Variants in PID1 observed in about 807,000 individuals in gnomAD.
PID1 encodes PTB-containing, cubilin and LRP1-interacting protein.
A neutral mutation model predicts 19.1 loss-of-function variants in PID1; 10 were observed. The ratio of observed to expected loss-of-function variants is 0.52; its 90% confidence interval spans 0.32 to 0.89. PID1 has a LOEUF of 0.89. Among genes scored for constraint, PID1 ranks in the 40% least tolerant of loss-of-function variants. PID1 has a pLI of 0.03. For missense variants in PID1, 248 were observed against 285.3 expected (o/e 0.87, Z 0.94); for synonymous variants, 130 against 116.0 (o/e 1.12, Z -0.78).
At chr2:229,256,317 T>C (rs1316692326) in intron 1 of PID1, among the ~76,000 whole-genome samples, 2 of 152,204 alleles carry the variant, frequency 1.3e-5, no homozygotes, top group African/African-American at 2.4e-5. Context: ...TAAATTCCTC[T>C]AATTTTCGAA....
intron 1 of PID1, among the ~76,000 whole-genome samples, chr2:229,233,259 G>T (rs1412036672): frequency 1.3e-5 from 2 of 152,018 alleles, no homozygotes; most frequent in African/African-American, 2.4e-5. Context: ...AGCTGGAGAG[G>T]TTTTAGATGT....
At chr2:229,215,561 G>C (rs1463312244) in intron 1 of PID1, among the ~76,000 whole-genome samples, 1 of 152,174 alleles carries the variant, frequency 6.6e-6, no homozygotes, top group African/African-American at 2.4e-5. Flanking sequence ...GCAGAGCAGT[G>C]ACCAAGCAGG....
At chr2:229,214,786 C>T (rs1301807440) in intron 1 of PID1, among the ~76,000 whole-genome samples, 5 of 151,966 alleles carry the variant, frequency 3.3e-5, no homozygotes, top group Admixed American at 1.3e-4. Context: ...TTTTGTTTTA[C>T]ATCTCACTGC....
chr2:229,123,921 G>A (rs1398540144), intron 2 of PID1, among the ~76,000 whole-genome samples: 1 of 151,980 alleles, frequency 6.6e-6, no homozygotes, highest in Non-Finnish European at 1.5e-5. Context: ...TTCCTTATTA[G>A]CTACATTATT....
intron 1 of PID1, among the ~76,000 whole-genome samples, chr2:229,181,701 T>C (rs190567205): frequency 1.3e-5 from 2 of 152,340 alleles, no homozygotes; most frequent in East Asian, 1.9e-4. Flanking sequence ...TTAACTGCAA[T>C]AGAAAAGCTA....
chr2:229,065,392 C>G (rs139353640), intron 2 of PID1, among the ~76,000 whole-genome samples: 1 of 152,178 alleles, frequency 6.6e-6, no homozygotes, highest in African/African-American at 2.4e-5. Context: ...CCAATTAGAT[C>G]CTGCAGAAAG....
chr2:229,231,491 C>T (rs1053063745), intron 1 of PID1, among the ~76,000 whole-genome samples: 8 of 151,972 alleles, frequency 5.3e-5, no homozygotes, highest in African/African-American at 1.9e-4. Flanking sequence ...CAAGCAGTAA[C>T]AGGCATTTAA....
At chr2:229,128,755 G>T (rs1689642453) in intron 2 of PID1, among the ~76,000 whole-genome samples, 1 of 151,888 alleles carries the variant, frequency 6.6e-6, no homozygotes, top group Admixed American at 6.6e-5. Flanking sequence ...CTGTAAAATT[G>T]GTATTCTTAT....
chr2:229,172,551 G>T (rs1178846013), intron 1 of PID1, among the ~76,000 whole-genome samples: 1 of 152,002 alleles, frequency 6.6e-6, no homozygotes, highest in Non-Finnish European at 1.5e-5. Context: ...TTTCCTCAGT[G>T]CACGTCTATC....
intron 2 of PID1, among the ~76,000 whole-genome samples, chr2:229,066,014 A>T (rs545391749): frequency 6.6e-6 from 1 of 152,370 alleles, no homozygotes; most frequent in African/African-American, 2.4e-5. Context: ...TGATTCACCA[A>T]CAACCTTTCT....
chr2:229,058,996 T>C (rs1179425476), intron 2 of PID1, among the ~76,000 whole-genome samples: 1 of 152,188 alleles, frequency 6.6e-6, no homozygotes, highest in Non-Finnish European at 1.5e-5. Flanking sequence ...TCAGTGTCAA[T>C]ATAAATTTTG....
intron 2 of PID1, among the ~76,000 whole-genome samples, chr2:229,038,581 T>C (rs1357679610): frequency 2.0e-5 from 3 of 152,214 alleles, no homozygotes; most frequent in African/African-American, 7.2e-5. Context: ...ATTTATGTTG[T>C]TCTGATCAAT....
chr2:229,220,088 C>T (rs62191689), intron 1 of PID1, among the ~76,000 whole-genome samples: 40,544 of 151,040 alleles, frequency 0.27, 6,379 homozygotes, highest in East Asian at 0.66. Context: ...GTCACAGCTG[C>T]GGCTCACTGC....
chr2:229,144,382 T>C (rs926381873), intron 2 of PID1, among the ~76,000 whole-genome samples: 11 of 152,242 alleles, frequency 7.2e-5, no homozygotes, highest in African/African-American at 2.4e-4. Flanking sequence ...GAATACACTA[T>C]GTCATATAAC....
chr2:229,062,874 T>C (rs1476654727), intron 2 of PID1, among the ~76,000 whole-genome samples: 2 of 152,030 alleles, frequency 1.3e-5, no homozygotes, highest in Non-Finnish European at 2.9e-5. Flanking sequence ...TCTAGGAATG[T>C]ATTCATTTCT....
At chr2:229,134,231 G>GGTTTTTTTTTTTTTTTGTTTTTT (rs1689808274) in intron 2 of PID1, among the ~76,000 whole-genome samples, 1 of 109,220 alleles carries the variant, frequency 9.2e-6, no homozygotes, top group African/African-American at 3.6e-5. Flanking sequence ...TACTACCTGT[G>GGTTTTTTTTTTTTTTTGTTTTTT]TTTTTTTTTT....
intron 2 of PID1, among the ~76,000 whole-genome samples, chr2:229,028,805 T>C (rs1574566140): frequency 6.6e-6 from 1 of 152,300 alleles, no homozygotes; most frequent in East Asian, 1.9e-4. Context: ...ATCCAAACTA[T>C]GCGCTAATGA....
intron 2 of PID1, among the ~76,000 whole-genome samples, chr2:229,053,851 CAG>C (rs1188548734): frequency 2.0e-5 from 3 of 152,198 alleles, no homozygotes; most frequent in African/African-American, 7.2e-5. Context: ...TCAGTCAAGA[CAG>C]AGTCATGACC....
intron 1 of PID1, among the ~76,000 whole-genome samples, chr2:229,259,814 T>C (rs575526256): frequency 6.6e-6 from 1 of 152,252 alleles, no homozygotes; most frequent in South Asian, 2.1e-4. Context: ...GTAGCCTTCA[T>C]GAATGGGATT....
Sources: allele counts gnomAD v4.1 joint callset (sites outside exome capture counted in the v4.1 genomes callset), GRCh38; gene constraint gnomAD v4.1.1; transcripts MANE v1.5; gene names NCBI Gene and HGNC (gene_info 2026-07-23, HGNC 2026-07-21).